Variants in KIAA1217 observed in about 807,000 individuals in gnomAD.
KIAA1217 encodes the protein KIAA1217.
Under a neutral mutation model 163.9 loss-of-function variants are expected in KIAA1217, and 88 were observed. That is an observed-to-expected ratio of 0.54 (90% CI 0.45 to 0.64). The LOEUF (loss-of-function observed/expected upper bound fraction) is 0.64, where lower values mean the gene tolerates loss of function less well. Ranked by LOEUF, KIAA1217 falls within the 30% of genes least tolerant of loss-of-function variation. The pLI, the probability that KIAA1217 is intolerant of heterozygous loss-of-function variation, is 0.00. For missense variants in KIAA1217, 2,372 were observed against 2,475.0 expected (o/e 0.96, Z 0.88); for synonymous variants, 903 against 923.1 (o/e 0.98, Z 0.39).
At position 24,520,022 on chromosome 10, in the gene KIAA1217, G is replaced by A. The variant is rs2134493332; in HGVS notation, c.2178-101G>A. ...CGAAAGGCAGGGGGGAGGAGCTGGG[G>A]CTCTACACAAAATCAGAGGCTGAGA... On this transcript the variant is annotated intron_variant, in intron 10 of 20. Coordinates refer to ENST00000376454, the MANE Select transcript of KIAA1217 (RefSeq NM_019590.5). 3 of 1,356,908 alleles carry A rather than the reference G, an allele frequency of 2.2e-6. No individual in the cohort carries two copies. The East Asian group carries it at 7.0e-5, about 32-fold the overall frequency. 84.1% of individuals were successfully genotyped at this position (1,356,908 alleles called of 1,614,324 possible). A position where few individuals can be genotyped will look rare whatever the true frequency, so the allele number is the denominator to read the frequency against.
intron 2 of KIAA1217, among the ~76,000 whole-genome samples, chr10:24,289,474 T>C (rs976169353): frequency 2.0e-5 from 3 of 152,102 alleles, no homozygotes; most frequent in Non-Finnish European, 4.4e-5. Flanking sequence ...AAATATTTTT[T>C]CCACTGCCAA....
chr10:24,271,565 A>G (rs2076770515), intron 2 of KIAA1217, among the ~76,000 whole-genome samples: 1 of 152,114 alleles, frequency 6.6e-6, no homozygotes, highest in Admixed American at 6.6e-5. Context: ...AGCGTGGGCA[A>G]CGTGGCAAAA....
At chr10:24,049,858 T>C (rs1238067571) in intron 2 of KIAA1217, among the ~76,000 whole-genome samples, 4 of 152,312 alleles carry the variant, frequency 2.6e-5, no homozygotes, top group Admixed American at 2.0e-4. Flanking sequence ...GTATTTCTGG[T>C]TCTAGATCCT....
intron 2 of KIAA1217, among the ~76,000 whole-genome samples, chr10:24,277,641 C>G (rs1258168023): frequency 1.3e-5 from 2 of 152,196 alleles, no homozygotes; most frequent in Non-Finnish European, 2.9e-5. Context: ...GGGGCTTTCC[C>G]TTTCACTGGG....
intron 2 of KIAA1217, among the ~76,000 whole-genome samples, chr10:24,102,190 C>A (rs890436698): frequency 2.0e-5 from 3 of 152,116 alleles, no homozygotes; most frequent in Non-Finnish European, 4.4e-5. Flanking sequence ...GCAATTATAG[C>A]AAGGTTGTAG....
chr10:24,090,562 GTC>G (rs1474047672), intron 2 of KIAA1217, among the ~76,000 whole-genome samples: 15 of 151,394 alleles, frequency 9.9e-5, no homozygotes, highest in African/African-American at 3.7e-4. Flanking sequence ...TGGACACAAA[GTC>G]TCTGCTTTCC....
intron 1 of KIAA1217, among the ~76,000 whole-genome samples, chr10:23,910,375 A>T (rs2131267698): frequency 6.6e-6 from 1 of 152,300 alleles, no homozygotes; most frequent in South Asian, 2.1e-4. Context: ...TGGCCTTCTG[A>T]AGAAGCAGAA....
In KIAA1217 at chr10:23,824,658, A is replaced by ATTATATAT. The variant is rs1379535101; in HGVS notation, c.-321+129424_-321+129425insTTATATAT. Among the ~76,000 whole-genome samples the ATTATATAT allele has an allele frequency of 6.5e-3, 346 of 53,028 alleles. 3 individuals carry two copies. Among genetic ancestry groups the ATTATATAT allele is most frequent in the African/African-American group, 0.021 (330 of 15,362 alleles). 34.8% of individuals were successfully genotyped at this position (53,028 alleles called of 152,430 possible). ...AAAAAAAAAAAAAAAAAATAAAAAA[A>ATTATATAT]ATATATATATATATATATATATATG... On this transcript the variant is annotated intron_variant, in intron 1 of 18. Coordinates refer to the KIAA1217 transcript ENST00000376462.
In KIAA1217 at chr10:23,717,568, C is replaced by G. The variant is rs182856106; in HGVS notation, c.-321+22334C>G. On this transcript the variant is annotated intron_variant, in intron 1 of 18. Coordinates refer to the KIAA1217 transcript ENST00000376462. ...TCCCCTAAGGTTGGAGTTCTAAAAT[C>G]AAAAGTCCAGTAGCAGGTGGGGTGG... 5.2e-4 allele frequency among the ~76,000 whole-genome samples: 79 copies of G among 152,146 alleles called. No homozygotes were observed. In the East Asian group the frequency reaches 9.1e-3, roughly 17 times the overall value.
At chr10:23,775,346 G>T (rs1228104219) in intron 1 of KIAA1217, among the ~76,000 whole-genome samples, 1 of 152,164 alleles carries the variant, frequency 6.6e-6, no homozygotes, top group South Asian at 2.1e-4. Context: ...TAGGAGGAAC[G>T]GAGATGGGCA....
intron 3 of KIAA1217, among the ~76,000 whole-genome samples, chr10:24,417,088 T>G (rs1294694372): frequency 6.6e-6 from 1 of 152,150 alleles, no homozygotes; most frequent in Admixed American, 6.5e-5. Flanking sequence ...TCAGGTCACG[T>G]AAGAGATACA....
chr10:23,808,924 A>G (rs1836861889), intron 1 of KIAA1217, among the ~76,000 whole-genome samples: 1 of 152,158 alleles, frequency 6.6e-6, no homozygotes, highest in Non-Finnish European at 1.5e-5. Flanking sequence ...GCTTCCAGAG[A>G]GGAAGGCAAA....
chr10:23,777,938 TTC>T (rs889194543), intron 1 of KIAA1217, among the ~76,000 whole-genome samples: 26 of 152,058 alleles, frequency 1.7e-4, no homozygotes, highest in African/African-American at 6.3e-4. Flanking sequence ...CGGAAATTTT[TTC>T]TTTTTTTCTT....
chr10:24,338,714 G>A (rs2046700703), intron 2 of KIAA1217, among the ~76,000 whole-genome samples: 1 of 152,084 alleles, frequency 6.6e-6, no homozygotes, highest in Admixed American at 6.5e-5. Flanking sequence ...AGCAAAACAT[G>A]TTCCTTTTCA....
chr10:23,914,501 A>T (rs965157166), intron 1 of KIAA1217, among the ~76,000 whole-genome samples: 2 of 151,756 alleles, frequency 1.3e-5, no homozygotes, highest in Admixed American at 6.6e-5. Context: ...TTTTGTAGAG[A>T]TAGGGGTCTT....
intron 1 of KIAA1217, among the ~76,000 whole-genome samples, chr10:23,786,590 G>A (rs924553768): frequency 4.0e-5 from 6 of 150,832 alleles, no homozygotes; most frequent in Non-Finnish European, 8.8e-5. Flanking sequence ...TCCTAACTCC[G>A]ACTTTGGTAC....
chr10:24,412,589 C>G (rs971766864), intron 3 of KIAA1217, among the ~76,000 whole-genome samples: 2 of 152,240 alleles, frequency 1.3e-5, no homozygotes, highest in Admixed American at 6.5e-5. Flanking sequence ...ACACCCGTCT[C>G]TTGGCTTCCT....
At chr10:23,715,781 A>T (rs1435195394) in intron 1 of KIAA1217, among the ~76,000 whole-genome samples, 1 of 152,230 alleles carries the variant, frequency 6.6e-6, no homozygotes, top group Non-Finnish European at 1.5e-5. Context: ...TTTAAAAATT[A>T]AACTTGCCCG....
chr10:23,799,141 G>C (rs1402441844), intron 1 of KIAA1217, among the ~76,000 whole-genome samples: 1 of 152,092 alleles, frequency 6.6e-6, no homozygotes, highest in African/African-American at 2.4e-5. Context: ...CCTGTATGTG[G>C]CAGTCTCCAT....
Sources: allele counts gnomAD v4.1 joint callset (sites outside exome capture counted in the v4.1 genomes callset), GRCh38; gene constraint gnomAD v4.1.1; transcripts MANE v1.5; gene names NCBI Gene and HGNC (gene_info 2026-07-23, HGNC 2026-07-21).